The following TANC2 variants were observed in gnomAD, a reference collection of about 807,000 sequenced individuals.
TANC2 encodes protein TANC2.
TANC2 carries 26 observed loss-of-function variants against 210.5 expected under a neutral mutation model. That is an observed-to-expected ratio of 0.12 (90% CI 0.09 to 0.17). The LOEUF (loss-of-function observed/expected upper bound fraction) is 0.17, where lower values mean the gene tolerates loss of function less well. Among genes scored for constraint, TANC2 ranks in the 10% least tolerant of loss-of-function variants. The probability of loss-of-function intolerance (pLI) is 1.00; values close to 1 mark genes in which losing one functional copy is unlikely to be tolerated. For synonymous variants in TANC2, 931 were observed against 967.1 expected, an observed-to-expected ratio of 0.96 and a Z score of 0.69; for missense variants, 2,129 against 2,608.9, an observed-to-expected ratio of 0.82 and a Z score of 4.01.
exon 14 of TANC2, chr17:63,355,292 G>A: frequency 6.2e-7 from 1 of 1,613,194 alleles, no homozygotes; most frequent in South Asian, 1.1e-5. Context: ...TCCTAATCAA[G>A]CGCAGAGACA....
chr17:63,413,568 C>T, exon 25 of TANC2: 1 of 1,600,302 alleles, frequency 6.2e-7, no homozygotes, highest in South Asian at 1.1e-5. Flanking sequence ...CGATGGCCAC[C>T]TCCAAGCCAG....
chr17:63,274,462 A>G (rs952908394), intron 9 of TANC2, among the ~76,000 whole-genome samples: 1 of 152,188 alleles, frequency 6.6e-6, no homozygotes, highest in South Asian at 2.1e-4. Context: ...CCCAAAGCCT[A>G]ATGTCTTTGA....
At chr17:63,107,688 C>T (rs1426188050) in intron 4 of TANC2, among the ~76,000 whole-genome samples, 2 of 151,630 alleles carry the variant, frequency 1.3e-5, no homozygotes, top group African/African-American at 2.4e-5. Flanking sequence ...GAAAACGTTA[C>T]ACTAAGTGAA....
At chr17:63,070,270 C>T (rs1039044539) in intron 2 of TANC2, among the ~76,000 whole-genome samples, 3 of 152,118 alleles carry the variant, frequency 2.0e-5, no homozygotes, top group African/African-American at 7.2e-5. Flanking sequence ...TTAGTCACCT[C>T]GCAAGAGCCT....
At chr17:63,188,069 A>G (rs1389417604) in intron 5 of TANC2, among the ~76,000 whole-genome samples, 1 of 152,174 alleles carries the variant, frequency 6.6e-6, no homozygotes, top group East Asian at 1.9e-4. Flanking sequence ...CTTCAGGCAA[A>G]AGAAAAATGA....
chr17:63,163,150 T>C (rs933469843), intron 5 of TANC2, among the ~76,000 whole-genome samples: 2 of 151,846 alleles, frequency 1.3e-5, no homozygotes, highest in African/African-American at 4.8e-5. Context: ...CAGTGAACTT[T>C]TGTAGATTCA....
intron 2 of TANC2, among the ~76,000 whole-genome samples, chr17:63,019,997 G>C (rs971403390): frequency 2.6e-5 from 4 of 152,344 alleles, no homozygotes; most frequent in African/African-American, 9.6e-5. Context: ...CCTGATCTCA[G>C]CTCACTGCAA....
At chr17:63,096,997 G>A (rs2037411098) in intron 3 of TANC2, among the ~76,000 whole-genome samples, 1 of 150,352 alleles carries the variant, frequency 6.7e-6, no homozygotes. Context: ...TTGGCCATTT[G>A]TGTATCTTCT....
chr17:63,293,177 G>T (rs1489368294), intron 9 of TANC2, among the ~76,000 whole-genome samples: 4 of 152,118 alleles, frequency 2.6e-5, no homozygotes, highest in Non-Finnish European at 5.9e-5. Flanking sequence ...AAACAGACTT[G>T]ACTCTTGTAA....
At chr17:63,200,288 G>A (rs896169774) in intron 6 of TANC2, among the ~76,000 whole-genome samples, 1 of 150,386 alleles carries the variant, frequency 6.6e-6, no homozygotes, top group Admixed American at 6.6e-5. Flanking sequence ...CTGGGAGGTG[G>A]AGGTTACAGT....
At chr17:63,013,220 A>G (rs1027634338) in intron 2 of TANC2, among the ~76,000 whole-genome samples, 1 of 151,916 alleles carries the variant, frequency 6.6e-6, no homozygotes, top group East Asian at 1.9e-4. Flanking sequence ...CTACAAGTGG[A>G]TGCTACTCTT....
At chr17:63,267,317 C>G (rs1465201454) in intron 8 of TANC2, among the ~76,000 whole-genome samples, 2 of 152,060 alleles carry the variant, frequency 1.3e-5, no homozygotes, top group African/African-American at 4.8e-5. Flanking sequence ...CTTTCATGAT[C>G]CAGACATTCA....
intron 1 of TANC2, among the ~76,000 whole-genome samples, chr17:62,981,698 C>T (rs2032310258): frequency 6.6e-6 from 1 of 152,168 alleles, no homozygotes; most frequent in South Asian, 2.1e-4. Flanking sequence ...ACACTAGCTG[C>T]AAACTTGGGG....
At chr17:63,299,779 T>C (rs952600636) in intron 9 of TANC2, among the ~76,000 whole-genome samples, 3 of 152,154 alleles carry the variant, frequency 2.0e-5, no homozygotes, top group African/African-American at 7.2e-5. Context: ...AGAAGTTCTT[T>C]AGTTTACTTA....
intron 1 of TANC2, among the ~76,000 whole-genome samples, chr17:62,984,627 G>T (rs1416177042): frequency 6.6e-6 from 1 of 151,866 alleles, no homozygotes; most frequent in African/African-American, 2.4e-5. Context: ...TACTACTTTT[G>T]CTGTCTCTCA....
chr17:63,045,158 C>T (rs2035331283), intron 2 of TANC2, among the ~76,000 whole-genome samples: 2 of 152,212 alleles, frequency 1.3e-5, no homozygotes, highest in African/African-American at 4.8e-5. Flanking sequence ...CAGACGCACT[C>T]ATTTATTTAC....
intron 7 of TANC2, among the ~76,000 whole-genome samples, chr17:63,217,897 G>A (rs1567823954): frequency 6.6e-6 from 1 of 152,100 alleles, no homozygotes; most frequent in Non-Finnish European, 1.5e-5. Context: ...CAGGAATTGA[G>A]GTTGTTTCTA....
At chr17:63,216,608 T>C (rs771469332) in intron 7 of TANC2, among the ~76,000 whole-genome samples, 10 of 152,174 alleles carry the variant, frequency 6.6e-5, no homozygotes, top group Non-Finnish European at 1.5e-4. Flanking sequence ...CCTTAACCTG[T>C]GGAGTCTGTG....
intron 11 of TANC2, among the ~76,000 whole-genome samples, chr17:63,328,624 G>A (rs2045734150): frequency 6.6e-6 from 1 of 151,672 alleles, no homozygotes; most frequent in Admixed American, 6.6e-5. Flanking sequence ...AGTTACCAGA[G>A]ACTGGGAGTG....
Sources: allele counts gnomAD v4.1 joint callset (sites outside exome capture counted in the v4.1 genomes callset), GRCh38; gene constraint gnomAD v4.1.1; transcripts MANE v1.5; gene names NCBI Gene and HGNC (gene_info 2026-07-23, HGNC 2026-07-21).